Variants in SH3RF3 observed in about 807,000 individuals in gnomAD.
SH3RF3 encodes SH3 domain containing ring finger 3, also known as E3 ubiquitin-protein ligase SH3RF3.
Under a neutral mutation model 66.3 loss-of-function variants are expected in SH3RF3, and 29 were observed. The observed-to-expected ratio is 0.44, with a 90% CI of 0.33 to 0.60. The LOEUF (loss-of-function observed/expected upper bound fraction) is 0.60. SH3RF3 is among the 20% of genes least tolerant of loss of function. SH3RF3 has a pLI of 0.04. For synonymous variants in SH3RF3, 583 were observed against 532.0 expected (o/e 1.10, Z -1.32); for missense variants, 1,194 against 1,190.9 (o/e 1.00, Z -0.04).
intron 1 of SH3RF3, among the ~76,000 whole-genome samples, chr2:109,317,226 C>T (rs766932439): frequency 1.2e-4 from 18 of 152,092 alleles, no homozygotes; most frequent in East Asian, 5.8e-4. Flanking sequence ...ACCTCCCACC[C>T]GGATGGAATC....
intron 5 of SH3RF3, among the ~76,000 whole-genome samples, chr2:109,429,574 A>G (rs1165564269): frequency 1.3e-5 from 2 of 151,842 alleles, no homozygotes; most frequent in Non-Finnish European, 2.9e-5. Context: ...TACCCCATTC[A>G]GGACCCCAGC....
chr2:109,162,494 A>T (rs1016983704), intron 1 of SH3RF3, among the ~76,000 whole-genome samples: 1 of 152,168 alleles, frequency 6.6e-6, no homozygotes, highest in Non-Finnish European at 1.5e-5. Context: ...TACATGTGCC[A>T]TGTTGGTGTG....
At chr2:109,179,600 C>T (rs1558942937) in intron 1 of SH3RF3, among the ~76,000 whole-genome samples, 1 of 152,170 alleles carries the variant, frequency 6.6e-6, no homozygotes. Flanking sequence ...ATCCTTCCTG[C>T]TGTGTTGTAA....
intron 4 of SH3RF3, among the ~76,000 whole-genome samples, chr2:109,415,312 G>A (rs977075010): frequency 6.6e-6 from 1 of 152,232 alleles, no homozygotes; most frequent in Non-Finnish European, 1.5e-5. Flanking sequence ...GGCTAAGCAC[G>A]TGGCCTGAGT....
chr2:109,428,009 A>G (rs1443251130), intron 5 of SH3RF3, among the ~76,000 whole-genome samples: 1 of 152,144 alleles, frequency 6.6e-6, no homozygotes, highest in Admixed American at 6.5e-5. Context: ...CAGCCCTTCC[A>G]CAGGACTTAC....
chr2:109,217,843 G>T (rs900539047), intron 1 of SH3RF3, among the ~76,000 whole-genome samples: 2 of 152,150 alleles, frequency 1.3e-5, no homozygotes, highest in Non-Finnish European at 1.5e-5. Context: ...CCCCAGGCAG[G>T]GGAGCCCCCA....
chr2:109,160,271 G>T (rs541367955), intron 1 of SH3RF3, among the ~76,000 whole-genome samples: 1 of 152,352 alleles, frequency 6.6e-6, no homozygotes, highest in South Asian at 2.1e-4. Context: ...GTGACAGACA[G>T]GCATGAGGTT....
chr2:109,330,711 G>A, intron 1 of SH3RF3, among the ~76,000 whole-genome samples: 1 of 152,040 alleles, frequency 6.6e-6, no homozygotes, highest in Non-Finnish European at 1.5e-5. Flanking sequence ...CATGACGGAT[G>A]GATGAATAAA....
intron 1 of SH3RF3, among the ~76,000 whole-genome samples, chr2:109,209,818 G>A (rs1678926194): frequency 1.3e-5 from 2 of 152,140 alleles, no homozygotes; most frequent in Admixed American, 6.5e-5. Context: ...AGTATTCCAA[G>A]ATTTATTATT....
At chr2:109,141,060 G>A (rs1485263840) in intron 1 of SH3RF3, among the ~76,000 whole-genome samples, 1 of 152,182 alleles carries the variant, frequency 6.6e-6, no homozygotes, top group Non-Finnish European at 1.5e-5. Flanking sequence ...CAGTTGTATT[G>A]AAGGGATCAA....
At chr2:109,332,152 T>G (rs1185643694) in intron 1 of SH3RF3, among the ~76,000 whole-genome samples, 168 of 152,294 alleles carry the variant, frequency 1.1e-3, no homozygotes, top group African/African-American at 3.8e-3. Context: ...AGAGGCGCTT[T>G]ACCCATGAGA....
chr2:109,489,351 C>T (rs577496723), intron 8 of SH3RF3, among the ~76,000 whole-genome samples: 119 of 152,346 alleles, frequency 7.8e-4, no homozygotes, highest in Middle Eastern at 3.4e-3. Context: ...ACAGCTGCAA[C>T]AACAATCCAG....
chr2:109,400,176 G>A (rs558046430), intron 4 of SH3RF3, among the ~76,000 whole-genome samples: 1 of 152,246 alleles, frequency 6.6e-6, no homozygotes, highest in East Asian at 1.9e-4. Context: ...TAATCTAGAT[G>A]TGCCACATCA....
intron 1 of SH3RF3, among the ~76,000 whole-genome samples, chr2:109,346,131 T>C (rs534772017): frequency 6.6e-6 from 1 of 152,358 alleles, no homozygotes; most frequent in East Asian, 1.9e-4. Flanking sequence ...TACACACTAT[T>C]GTGCTCGCAC....
chr2:109,312,770 C>T (rs1681761073), intron 1 of SH3RF3, among the ~76,000 whole-genome samples: 1 of 152,350 alleles, frequency 6.6e-6, no homozygotes, highest in East Asian at 1.9e-4. Flanking sequence ...ATCCATTCAT[C>T]TGCTGACGGA....
chr2:109,459,279 TAC>T (rs2104677496), intron 8 of SH3RF3, among the ~76,000 whole-genome samples: 1 of 151,770 alleles, frequency 6.6e-6, no homozygotes, highest in South Asian at 2.1e-4. Context: ...AGGAAATACT[TAC>T]AACAGTTACA....
intron 1 of SH3RF3, among the ~76,000 whole-genome samples, chr2:109,190,760 C>T (rs1285730225): frequency 3.3e-5 from 5 of 151,956 alleles, no homozygotes. Flanking sequence ...TGACTCACAC[C>T]CATAGAATGG....
intron 7 of SH3RF3, 91 bp from the exon 8 acceptor site, chr2:109,449,079 G>A (rs1335214238): frequency 8.3e-6 from 12 of 1,439,048 alleles, no homozygotes; most frequent in Non-Finnish European, 1.1e-5. Context: ...TGCTCGAGAA[G>A]GGAGCCTGAG....
intron 8 of SH3RF3, among the ~76,000 whole-genome samples, chr2:109,450,799 A>T (rs1652386071): frequency 6.6e-6 from 1 of 152,170 alleles, no homozygotes; most frequent in Non-Finnish European, 1.5e-5. Context: ...CACTCTGTGT[A>T]TTGGCCTTGC....
Sources: gnomAD v4.1 joint callset for allele counts (sites outside exome capture counted in the v4.1 genomes callset) on GRCh38, gnomAD v4.1.1 for gene constraint, MANE v1.5 for transcripts, NCBI Gene and HGNC (gene_info 2026-07-23, HGNC 2026-07-21) for gene names.